The following ARMH3 variants were observed in gnomAD, a reference collection of about 807,000 sequenced individuals.
ARMH3 encodes armadillo like helical domain containing 3.
In ARMH3, 60 loss-of-function variants were observed where a neutral mutation model predicts 99.1. The ratio of observed to expected loss-of-function variants is 0.61; its 90% CI spans 0.49 to 0.75. The LOEUF is 0.75. Among genes scored for constraint, ARMH3 ranks in the 30% least tolerant of loss-of-function variants. The probability of loss-of-function intolerance (pLI) is 0.00; values close to 1 mark genes in which losing one functional copy is unlikely to be tolerated. For missense variants in ARMH3, 679 were observed against 843.1 expected (o/e 0.81, Z 2.41); for synonymous variants, 285 against 292.8 (o/e 0.97, Z 0.27).
intron 1 of ARMH3, among the ~76,000 whole-genome samples, chr10:102,051,813 T>A (rs942805192): frequency 1.3e-5 from 2 of 152,248 alleles, no homozygotes; most frequent in Admixed American, 6.5e-5. Context: ...CCCATCAGCA[T>A]CTACTCAGTT....
At position 101,901,020 on chromosome 10, in the gene ARMH3, C is replaced by T. The variant is rs144335361; in HGVS notation, c.1782-11530G>A. On this transcript the variant is annotated intron_variant, in intron 23 of 25. Coordinates refer to ENST00000370033, the MANE Select transcript of ARMH3 (RefSeq NM_024541.3). ...GGAAATTATTTTAGTGGATCACATG[C>T]TAGACTGAGGAAGGAGGGAAATATT... is the stretch of plus-strand genomic sequence containing the variant. 5.3e-5 allele frequency among the ~76,000 whole-genome samples: 8 copies of T among 151,620 alleles called. No individual in the cohort carries two copies. The East Asian group carries it at 1.5e-3, about 29-fold the overall frequency.
intron 24 of ARMH3, among the ~76,000 whole-genome samples, chr10:101,888,747 G>T (rs979969050): frequency 1.3e-5 from 2 of 152,182 alleles, no homozygotes; most frequent in Non-Finnish European, 2.9e-5. Flanking sequence ...TTTTAAAAAA[G>T]GACTCAAGAG....
At chr10:102,006,505 A>G (rs778625820) in intron 14 of ARMH3, 35 bp downstream of exon 14, 1 of 1,583,358 alleles carries the variant, frequency 6.3e-7, no homozygotes, top group Non-Finnish European at 8.7e-7. Context: ...CTAAGATCAT[A>G]TTAACCAAGA....
intron 25 of ARMH3, among the ~76,000 whole-genome samples, chr10:101,849,138 C>T (rs2066527434): frequency 6.6e-6 from 1 of 152,154 alleles, no homozygotes; most frequent in Admixed American, 6.5e-5. Flanking sequence ...GGTCTCAGTC[C>T]CCAGCCAGGA....
intron 18 of ARMH3, among the ~76,000 whole-genome samples, chr10:101,991,712 G>A (rs550015812): frequency 1.3e-5 from 2 of 152,112 alleles, no homozygotes; most frequent in Non-Finnish European, 2.9e-5. Context: ...TGTAAATCAT[G>A]TATCAAGTTT....
intron 23 of ARMH3, among the ~76,000 whole-genome samples, chr10:101,897,021 G>A (rs947254136): frequency 2.6e-5 from 4 of 152,168 alleles, no homozygotes; most frequent in African/African-American, 9.7e-5. Context: ...GGGGTGGCAG[G>A]GTTGGTGGAT....
At chr10:102,029,880 C>T in intron 4 of ARMH3, 135 bp from the exon 5 acceptor site, 3 of 917,510 alleles carry the variant, frequency 3.3e-6, no homozygotes, top group South Asian at 1.9e-5. Context: ...AAAACACAGT[C>T]TGAGTTTTTT....
intron 23 of ARMH3, among the ~76,000 whole-genome samples, chr10:101,925,354 C>T (rs1339184320): frequency 2.0e-5 from 3 of 152,096 alleles, no homozygotes; most frequent in African/African-American, 7.2e-5. Flanking sequence ...GACCCTAACA[C>T]CATATTTTAG....
At chr10:102,001,032 G>T (rs1331654859) in intron 15 of ARMH3, among the ~76,000 whole-genome samples, 1 of 152,000 alleles carries the variant, frequency 6.6e-6, no homozygotes, top group Non-Finnish European at 1.5e-5. Context: ...GGCCAGGCTG[G>T]TCTTGAACTC....
At chr10:101,990,374 G>A (rs893753620) in intron 19 of ARMH3, among the ~76,000 whole-genome samples, 177 bp downstream of exon 19, 9 of 151,806 alleles carry the variant, frequency 5.9e-5, no homozygotes, top group African/African-American at 1.5e-4. Context: ...TTGTAGAGAC[G>A]GGGTTTCACC....
Position 101,850,201 on chromosome 10 carries a change from G to C in ARMH3, c.1861-309C>G, listed in dbSNP as rs560007763. Among the ~76,000 whole-genome samples, 3 of 140,864 alleles carry C rather than the reference G, an allele frequency of 2.1e-5. No individual in the cohort carries two copies. In the Admixed American group the frequency reaches 2.2e-4, roughly 10 times the overall value. 92.4% of individuals were successfully genotyped at this position (140,864 alleles called of 152,430 possible). On this transcript the variant is annotated intron_variant, in intron 24 of 25. Transcript: ENST00000370033. ...CAACCTCTGCCTCCCAGGTTCAAGC[G>C]ATTCTCCTGCCTCAGCCTCCCGAGT...
intron 23 of ARMH3, among the ~76,000 whole-genome samples, chr10:101,895,587 CTG>C (rs547165136): frequency 5.1e-4 from 77 of 152,232 alleles, no homozygotes; most frequent in African/African-American, 1.7e-3. Context: ...CCCTTAAAAA[CTG>C]TAAAATTCTT....
At position 101,993,608 on chromosome 10, in the gene ARMH3, T is replaced by A. The variant is rs775032428; in HGVS notation, c.1210-5A>T. The stretch of plus-strand genomic sequence containing the variant: ...AAATGCATTGGCATATTGATCCTAA[T>A]AAAAATATAGAGAAAAAGTAAGAAG... On this transcript the variant is annotated splice_polypyrimidine_tract_variant and splice_region_variant and intron_variant, in intron 16 of 25. Transcript: ENST00000370033. The A allele has an allele frequency of 3.2e-6, 5 of 1,573,242 alleles. No homozygotes were observed. In the African/African-American group the frequency reaches 5.5e-5, roughly 17 times the overall value.
chr10:102,032,143 TTCAA>T (rs2067146193), intron 4 of ARMH3, among the ~76,000 whole-genome samples: 2 of 152,216 alleles, frequency 1.3e-5, no homozygotes, highest in Admixed American at 1.3e-4. Flanking sequence ...TCACCATTCA[TTCAA>T]TAAGAACTTA....
chr10:101,937,511 C>T (rs1164501894), intron 23 of ARMH3, among the ~76,000 whole-genome samples: 9 of 149,766 alleles, frequency 6.0e-5, no homozygotes, highest in African/African-American at 2.2e-4. Context: ...AGAGTCAGAC[C>T]CTGTCTCCAA....
At chr10:101,880,747 C>T (rs544409013) in intron 24 of ARMH3, among the ~76,000 whole-genome samples, 1 of 152,264 alleles carries the variant, frequency 6.6e-6, no homozygotes, top group African/African-American at 2.4e-5. Flanking sequence ...CCTCATAAGT[C>T]TTTGTGTTCT....
At chr10:101,985,112 C>CACACAT (rs1554883043) in intron 19 of ARMH3, among the ~76,000 whole-genome samples, 13 of 145,434 alleles carry the variant, frequency 8.9e-5, no homozygotes, top group Non-Finnish European at 1.8e-4. Context: ...CACACACACA[C>CACACAT]GTGTACATAT....
rs1564791964 is a variant in ARMH3 at position 101,956,651 on chromosome 10, GT to G, written c.1650del (p.Glu550AspfsTer21). 1 of 1,613,676 alleles carries G rather than the reference GT, an allele frequency of 6.2e-7. No homozygotes were observed. Among genetic ancestry groups the G allele is most frequent in the African/African-American group, 1.3e-5 (1 of 74,908 alleles). Reference protein sequence around the residue: ...TFLPTPSSYDELYYEIIRMHQ... With the variant: ...TFLPTPSSYDXLYYEIIRMHQ... The stretch of plus-strand genomic sequence containing the variant: ...TGCATGCGGATAATCTCATAGTAAA[GT>G]TCATCATAGCTGCTGGGGGTTGGCA... On this transcript the variant is annotated frameshift_variant, in exon 22 of 26. Transcript: ENST00000370033. LOFTEE classifies it high-confidence loss of function.
chr10:102,002,137 T>A (rs1026001459), intron 14 of ARMH3, 65 bp from the exon 15 acceptor site: 3 of 1,585,672 alleles, frequency 1.9e-6, no homozygotes, highest in Non-Finnish European at 8.5e-7. Flanking sequence ...TCTACCCACA[T>A]AGCCAATTTG....
Sources: gnomAD v4.1 joint callset for allele counts (sites outside exome capture counted in the v4.1 genomes callset) on GRCh38, gnomAD v4.1.1 for gene constraint, MANE v1.5 for transcripts, NCBI Gene and HGNC (gene_info 2026-07-23, HGNC 2026-07-21) for gene names.